The following KCNQ3 variants were observed in gnomAD, a reference collection of about 807,000 sequenced individuals.
KCNQ3 encodes potassium voltage-gated channel subfamily KQT member 3.
A neutral mutation model predicts 92.5 loss-of-function variants in KCNQ3; 30 were observed. The ratio of observed to expected loss-of-function variants is 0.32; its 90% CI spans 0.24 to 0.44. The LOEUF is 0.44. Ranked by LOEUF, KCNQ3 falls within the 20% of genes least tolerant of loss-of-function variation. KCNQ3 has a pLI of 1.00. For synonymous variants in KCNQ3, 450 were observed against 468.8 expected, an observed-to-expected ratio of 0.96 and a Z score of 0.52; for missense variants, 913 against 1,140.3, an observed-to-expected ratio of 0.80 and a Z score of 2.87.
rs1824756283 is a variant in KCNQ3, at chr8:132,128,931, C to G, written c.*331G>C. ...AACCCAAACCAGCCAACCAAACAGA[C>G]AAATAGCATGGCTCATCAGTAATTT... On this transcript the variant is annotated 3_prime_UTR_variant, in exon 15 of 15. Transcript: ENST00000388996. 3.4e-6 allele frequency: 1 copy of G among 292,094 alleles called. No individual in the cohort carries two copies. The highest frequency in any genetic ancestry group is 2.1e-5 in the African/African-American group (1 of 47,536). The allele number at this position is 292,094 out of a possible 1,614,324, so 18.1% of individuals were successfully genotyped here. A position where few individuals can be genotyped will look rare whatever the true frequency, so the allele number is the denominator to read the frequency against.
At chr8:132,131,038 ACT>A (rs1824862552) in intron 14 of KCNQ3, among the ~76,000 whole-genome samples, 1 of 152,004 alleles carries the variant, frequency 6.6e-6, no homozygotes, top group Admixed American at 6.6e-5. Context: ...TTACAATCTG[ACT>A]CTGTCTTATG....
chr8:132,246,331 G>C (rs1479646961), intron 1 of KCNQ3, among the ~76,000 whole-genome samples: 1 of 152,154 alleles, frequency 6.6e-6, no homozygotes, highest in Admixed American at 6.5e-5. Context: ...GGAACATGAG[G>C]GGGAACAATG....
At chr8:132,132,361 T>C in intron 13 of KCNQ3, 97 bp from the exon 14 acceptor site, 1 of 874,948 alleles carries the variant, frequency 1.1e-6, no homozygotes, top group Non-Finnish European at 1.9e-6. Context: ...GAGCCATCGT[T>C]CTCACCCTCA....
intron 1 of KCNQ3, among the ~76,000 whole-genome samples, chr8:132,360,584 C>A (rs1819137404): frequency 6.6e-6 from 1 of 152,204 alleles, no homozygotes; most frequent in Admixed American, 6.5e-5. Context: ...TCCAGCCCAG[C>A]CCTTGATCTA....
chr8:132,306,724 C>T (rs1817435843), intron 1 of KCNQ3, among the ~76,000 whole-genome samples: 2 of 152,308 alleles, frequency 1.3e-5, no homozygotes, highest in African/African-American at 2.4e-5. Flanking sequence ...TAGCGGTAAA[C>T]TTAGAAAGAT....
intron 1 of KCNQ3, among the ~76,000 whole-genome samples, chr8:132,272,443 C>G (rs1327363109): frequency 6.6e-6 from 1 of 152,172 alleles, no homozygotes; most frequent in Non-Finnish European, 1.5e-5. Flanking sequence ...CAGTTCAGGC[C>G]AGGAACTGAG....
intron 1 of KCNQ3, among the ~76,000 whole-genome samples, chr8:132,413,208 G>A (rs1820699268): frequency 6.6e-6 from 1 of 152,154 alleles, no homozygotes; most frequent in African/African-American, 2.4e-5. Context: ...ACCTTCAGTG[G>A]CTCCCACTGG....
In KCNQ3 at chr8:132,387,902, C is replaced by T. The variant is rs145977819; in HGVS notation, c.386+92245G>A. Among the ~76,000 whole-genome samples, 122 of 151,558 alleles carry T rather than the reference C, an allele frequency of 8.0e-4. 1 individual carries two copies. The highest frequency in any genetic ancestry group is 2.9e-3 in the African/African-American group (121 of 41,242). On this transcript the variant is annotated intron_variant, in intron 1 of 14. Transcript: ENST00000388996. ...TTGACTCTACAGTGAGCCATGATCG[C>T]CTCACTATACTCCAGCCTGGGCAAC...
intron 1 of KCNQ3, among the ~76,000 whole-genome samples, chr8:132,292,420 T>C (rs1816886072): frequency 2.0e-5 from 3 of 152,272 alleles, no homozygotes; most frequent in Admixed American, 1.3e-4. Context: ...TGAAGTTCCA[T>C]GGTAATAATT....
intron 12 of KCNQ3, among the ~76,000 whole-genome samples, chr8:132,136,221 T>C (rs1344485783): frequency 1.3e-5 from 2 of 151,078 alleles, no homozygotes; most frequent in African/African-American, 4.9e-5. Flanking sequence ...CCAGTCAGTG[T>C]GATGTTCCTG....
intron 9 of KCNQ3, among the ~76,000 whole-genome samples, chr8:132,147,613 T>C (rs557747822): frequency 4.6e-5 from 7 of 152,168 alleles, no homozygotes; most frequent in African/African-American, 1.7e-4. Context: ...AATGGATGGA[T>C]AAATAAATGG....
intron 1 of KCNQ3, among the ~76,000 whole-genome samples, chr8:132,366,374 T>C (rs1015110093): frequency 6.6e-6 from 1 of 152,202 alleles, no homozygotes; most frequent in African/African-American, 2.4e-5. Context: ...CAGGCATTAA[T>C]TATGTTATCT....
rs1165607917 is a variant in KCNQ3, at chr8:132,128,912, A to G, written c.*350T>C. 9.6e-5 allele frequency: 25 copies of G among 259,230 alleles called. No homozygotes were observed. Among genetic ancestry groups the G allele is most frequent in the Admixed American group, 7.3e-4 (15 of 20,560 alleles). 16.1% of individuals were successfully genotyped at this position (259,230 alleles called of 1,614,324 possible). A position where few individuals can be genotyped will look rare whatever the true frequency, so the allele number is the denominator to read the frequency against. On this transcript the variant is annotated 3_prime_UTR_variant, in exon 15 of 15. Transcript: ENST00000388996. ...TCTCTGCTTACCAAACCAAAACCCA[A>G]ACCAGCCAACCAAACAGACAAATAG...
chr8:132,462,193 ATTTATTTAT>A (rs1822076705), intron 1 of KCNQ3, among the ~76,000 whole-genome samples: 1 of 151,686 alleles, frequency 6.6e-6, no homozygotes, highest in Admixed American at 6.6e-5. Flanking sequence ...TTATTTATTT[ATTTATTTAT>A]TTATTTTATT....
chr8:132,389,241 G>A (rs2130767540), intron 1 of KCNQ3, among the ~76,000 whole-genome samples: 1 of 152,272 alleles, frequency 6.6e-6, no homozygotes, highest in South Asian at 2.1e-4. Context: ...TGGATTATCT[G>A]AGGTCAGGAG....
intron 1 of KCNQ3, among the ~76,000 whole-genome samples, chr8:132,392,240 T>G (rs531143791): frequency 2.6e-5 from 4 of 152,314 alleles, no homozygotes; most frequent in Non-Finnish European, 4.4e-5. Context: ...CAGAAACCCT[T>G]TGGAACTCAT....
chr8:132,209,529 CCACACACACACACAAA>C (rs1586830638), intron 1 of KCNQ3, among the ~76,000 whole-genome samples: 1 of 112,728 alleles, frequency 8.9e-6, no homozygotes, highest in African/African-American at 3.7e-5. Context: ...GTAATTCACA[CCACACACACACACAAA>C]CACACACACA....
intron 1 of KCNQ3, among the ~76,000 whole-genome samples, chr8:132,361,329 G>T (rs544738562): frequency 1.3e-4 from 20 of 152,232 alleles, no homozygotes; most frequent in African/African-American, 4.6e-4. Context: ...TCACTCCAAG[G>T]TTCCCTTAGC....
intron 6 of KCNQ3, 57 bp from the exon 7 acceptor site, chr8:132,172,750 G>T: frequency 7.9e-7 from 1 of 1,269,272 alleles, no homozygotes; most frequent in Non-Finnish European, 1.1e-6. Flanking sequence ...CAGCATTCCC[G>T]CTCCATTGCC....
Sources: gnomAD v4.1 joint callset for allele counts (sites outside exome capture counted in the v4.1 genomes callset) on GRCh38, gnomAD v4.1.1 for gene constraint, MANE v1.5 for transcripts, NCBI Gene and HGNC (gene_info 2026-07-23, HGNC 2026-07-21) for gene names.